Variants in NCOA6 observed in about 807,000 individuals in gnomAD.
NCOA6 encodes the protein NRC RAP250.
Under a neutral mutation model 171.4 loss-of-function variants are expected in NCOA6, and 49 were observed. That is an observed-to-expected ratio of 0.29 (90% CI 0.23 to 0.36). NCOA6 has a LOEUF of 0.36. Ranked by LOEUF, NCOA6 falls within the 10% of genes least tolerant of loss-of-function variation. NCOA6 has a pLI of 1.00. For synonymous variants in NCOA6, 910 were observed against 927.5 expected, an observed-to-expected ratio of 0.98 and a Z score of 0.34; for missense variants, 2,248 against 2,554.5, an observed-to-expected ratio of 0.88 and a Z score of 2.59.
At chr20:34,810,096 G>C (rs2078603814) in intron 1 of NCOA6, among the ~76,000 whole-genome samples, 1 of 152,220 alleles carries the variant, frequency 6.6e-6, no homozygotes, top group African/African-American at 2.4e-5. Context: ...GGTTACACAA[G>C]TGTGTTAATT....
rs2079127464 is a variant in NCOA6 at position 34,825,462 on chromosome 20, G to A, written c.-164+10C>T. The A allele has an allele frequency of 6.7e-6, 1 of 148,726 alleles. No homozygotes were observed. Among genetic ancestry groups the A allele is most frequent in the Non-Finnish European group, 1.5e-5 (1 of 66,772 alleles). 9.2% of individuals were successfully genotyped at this position (148,726 alleles called of 1,614,324 possible). A position where few individuals can be genotyped will look rare whatever the true frequency, so the allele number is the denominator to read the frequency against. On this transcript the variant is annotated intron_variant, in intron 1 of 14. Transcript: ENST00000359003. ...CCACCCCTTACGGGCCCGCGCCGCC[G>A]TCCCCTCACCTGAGCGCGGCCCCGG...
intron 5 of NCOA6, 62 bp downstream of exon 5, chr20:34,768,402 T>A (rs1328820782): frequency 1.3e-6 from 2 of 1,598,426 alleles, no homozygotes; most frequent in Admixed American, 1.7e-5. Context: ...AGGGCTCAAA[T>A]GATCAAATAA....
intron 14 of NCOA6, among the ~76,000 whole-genome samples, chr20:34,719,535 C>G (rs1989045603): frequency 6.6e-6 from 1 of 151,756 alleles, no homozygotes; most frequent in Non-Finnish European, 1.5e-5. Context: ...GGAGGCTGAG[C>G]CAGGAGAATC....
At chr20:34,761,743 C>A (rs2076825186) in intron 5 of NCOA6, among the ~76,000 whole-genome samples, 1 of 151,958 alleles carries the variant, frequency 6.6e-6, no homozygotes, top group Admixed American at 6.6e-5. Context: ...ACAACCTCTG[C>A]CTCCTGGGTT....
At position 34,741,793 on chromosome 20, in the gene NCOA6, G is replaced by C. The variant is rs1261953281; in HGVS notation, c.4463C>G (p.Pro1488Arg). 1 of 1,614,042 alleles carries C rather than the reference G, an allele frequency of 6.2e-7. No homozygotes were observed. The highest frequency in any genetic ancestry group is 8.5e-7 in the Non-Finnish European group (1 of 1,180,042). ...NLVSPAMREA[P>R]TSLSQLLDNS... ...GTCAAGAAGTTGACTTAACGATGTT[G>C]GTGCTTCCCTCATAGCAGGAGACAC... Residue 1488 changes from proline (P) to arginine (R), a missense_variant, in exon 11 of 15, where the codon CCA (proline) becomes CGA (arginine). Physicochemically the swap from Pro to Arg is moderately radical, Grantham distance 103. Around this residue, in one of 7 missense-constraint regions of NCOA6, gnomAD observed 884 missense variants for 941.9 expected, o/e 0.94. Coordinates refer to ENST00000359003, the MANE Select transcript of NCOA6 (RefSeq NM_014071.5).
intron 11 of NCOA6, 113 bp downstream of exon 11, chr20:34,740,250 T>A (rs1221087135): frequency 4.5e-6 from 6 of 1,324,194 alleles, no homozygotes; most frequent in Non-Finnish European, 5.1e-6. Context: ...CTACTGCTAT[T>A]GCCATTTAGC....
At position 34,750,071 on chromosome 20, in the gene NCOA6, T is replaced by C. The variant is rs965067769; in HGVS notation, c.2124A>G (p.Gln708=). 25 of 1,614,102 alleles carry C rather than the reference T, an allele frequency of 1.5e-5. No individual in the cohort carries two copies. The East Asian group carries it at 4.2e-4, about 27-fold the overall frequency. The part of the protein sequence containing the change: ...MMGPQGQVLL[Q]QNPMIEQIMT... ...TAATCTGCTCTATCATTGGGTTCTG[T>C]TGGAGCAAAACCTGCCCCTGAGGCC... The change falls in exon 9 of 15, where the codon CAA becomes CAG. Residue 708 remains glutamine (Q), a synonymous_variant. Coordinates refer to ENST00000359003, the MANE Select transcript of NCOA6 (RefSeq NM_014071.5).
rs746943519 is a variant in NCOA6, at chr20:34,740,707, C to G, written c.5549G>C (p.Gly1850Ala). 23 of 1,614,236 alleles carry G rather than the reference C, an allele frequency of 1.4e-5. No homozygotes were observed. The South Asian group carries it at 2.4e-4, about 17-fold the overall frequency. ...EKGEEQYGAD[G>A]ETEGQGLDTT... ...GTCTAGCCCTTGGCCTTCAGTCTCT[C>G]CATCTGCACCATATTGTTCTTCCCC... Residue 1850 changes from glycine (G) to alanine (A), a missense_variant, in exon 11 of 15, where the codon GGA becomes GCA. Coordinates refer to ENST00000359003, the MANE Select transcript of NCOA6 (RefSeq NM_014071.5).
At chr20:34,795,262 C>T (rs991987286) in intron 1 of NCOA6, among the ~76,000 whole-genome samples, 7 of 152,066 alleles carry the variant, frequency 4.6e-5, no homozygotes, top group Non-Finnish European at 8.8e-5. Flanking sequence ...AGATTACTTC[C>T]GAATTGCAAA....
chr20:34,796,383 G>A (rs1009339347), intron 1 of NCOA6, among the ~76,000 whole-genome samples: 1 of 152,054 alleles, frequency 6.6e-6, no homozygotes, highest in South Asian at 2.1e-4. Context: ...CTCTGGGGGT[G>A]CTGAGGAGGG....
chr20:34,787,113 C>T (rs1478457072), intron 2 of NCOA6, among the ~76,000 whole-genome samples: 1 of 136,864 alleles, frequency 7.3e-6, no homozygotes, highest in Non-Finnish European at 1.6e-5. Context: ...GAAACTTAAA[C>T]AAATTTATGA....
intron 1 of NCOA6, among the ~76,000 whole-genome samples, chr20:34,810,915 A>G (rs1026201495): frequency 2.6e-5 from 4 of 152,042 alleles, no homozygotes; most frequent in Non-Finnish European, 5.9e-5. Context: ...TCAAACTATT[A>G]GTAGTAAAAT....
intron 1 of NCOA6, among the ~76,000 whole-genome samples, chr20:34,811,101 A>T (rs1261195852): frequency 2.0e-5 from 3 of 149,984 alleles, no homozygotes; most frequent in African/African-American, 7.4e-5. Flanking sequence ...AGAGTATTAA[A>T]ATGAGAGGAT....
At chr20:34,815,757 C>T (rs990077822) in intron 1 of NCOA6, among the ~76,000 whole-genome samples, 1 of 152,014 alleles carries the variant, frequency 6.6e-6, no homozygotes, top group Non-Finnish European at 1.5e-5. Context: ...TGTTGTTTTA[C>T]AGAAGAGAGA....
chr20:34,718,486 T>G (rs1369170001), intron 14 of NCOA6, among the ~76,000 whole-genome samples: 1 of 152,188 alleles, frequency 6.6e-6, no homozygotes. Flanking sequence ...TCACCTTTTT[T>G]TTTTTTTGAG....
At chr20:34,768,717 G>C in intron 4 of NCOA6, 131 bp from the exon 5 acceptor site, 1 of 1,039,690 alleles carries the variant, frequency 9.6e-7, no homozygotes, top group East Asian at 2.6e-5. Context: ...CCAGAAAAAT[G>C]GTGGGTTCAA....
chr20:34,727,530 G>T, intron 13 of NCOA6, 123 bp from the exon 14 acceptor site: 1 of 1,080,246 alleles, frequency 9.3e-7, no homozygotes, highest in South Asian at 1.6e-5. Context: ...ATTCTGGAGA[G>T]AAAGCAGTTC....
In NCOA6 at chr20:34,757,537, A is replaced by G; in HGVS notation, c.1211T>C (p.Met404Thr). ...SNPGQFTAPQ[M>T]KSLQGGPSRV... The stretch of plus-strand genomic sequence containing the variant: ...AGAGGGCCCTCCCTGCAAACTCTTC[A>G]TCTGAGGAGCTGTGAACTGGCCTGG... The change falls in exon 7 of 15, where the codon ATG becomes ACG. Residue 404 changes from methionine to threonine, a missense_variant. Physicochemically the swap from Met to Thr is moderately conservative, Grantham distance 81. Coordinates refer to ENST00000359003, the MANE Select transcript of NCOA6 (RefSeq NM_014071.5). 6.2e-7 allele frequency: 1 copy of G among 1,613,886 alleles called. No homozygotes were observed. Among genetic ancestry groups the G allele is most frequent in the Non-Finnish European group, 8.5e-7 (1 of 1,179,934 alleles).
At chr20:34,716,918 TA>T (rs1392223752) in intron 14 of NCOA6, among the ~76,000 whole-genome samples, 2 of 152,212 alleles carry the variant, frequency 1.3e-5, no homozygotes, top group African/African-American at 4.8e-5. Flanking sequence ...AATAATGTTC[TA>T]AAATTACTTC....
Sources: gnomAD v4.1 joint callset for allele counts (sites outside exome capture counted in the v4.1 genomes callset) on GRCh38, gnomAD v4.1.1 for gene constraint, gnomAD v4.1.1 regional missense constraint, MANE v1.5 for transcripts, NCBI Gene and HGNC (gene_info 2026-07-23, HGNC 2026-07-21) for gene names.